OC90: variants seen among roughly 807,000 people sequenced by gnomAD.
OC90 encodes otoconin 90, also known as otoconin-90.
A neutral mutation model predicts 47.3 loss-of-function variants in OC90; 46 were observed. The ratio of observed to expected loss-of-function variants is 0.97; its 90% CI spans 0.77 to 1.24. The LOEUF is 1.24. OC90 is among the 50% of genes most tolerant of loss of function. The pLI is 0.00. For missense variants in OC90, 688 were observed against 583.9 expected, an observed-to-expected ratio of 1.18 and a Z score of -1.84; for synonymous variants, 271 against 219.5, an observed-to-expected ratio of 1.23 and a Z score of -2.07.
At chr8:132,041,730 C>T (rs1318374756) in intron 4 of OC90, 31 bp from the exon 5 acceptor site, 5 of 1,434,540 alleles carry the variant, frequency 3.5e-6, no homozygotes, top group Non-Finnish European at 4.9e-6. Flanking sequence ...GCCTGATAAG[C>T]ACTGGGAACT....
Position 132,036,067 on chromosome 8 carries a change from T to C in OC90, c.680-1233A>G, listed in dbSNP as rs1237821322. 3.9e-5 allele frequency among the ~76,000 whole-genome samples: 6 copies of C among 152,202 alleles called. No individual in the cohort carries two copies. In the East Asian group the frequency reaches 7.7e-4, roughly 19 times the overall value. On this transcript the variant is annotated intron_variant, in intron 9 of 13. Transcript: ENST00000254627. Reference sequence around the variant, plus strand: ...GGTTAGGTTAACTCTGCTGATGAAATTTTGGCCTAGATATTTTTAGGGAAG... The same window carrying C: ...GGTTAGGTTAACTCTGCTGATGAAACTTTGGCCTAGATATTTTTAGGGAAG...
chr8:132,037,453 C>T lies in OC90; in HGVS notation c.664G>A (p.Ala222Thr), dbSNP rs1822985970. 1.3e-6 allele frequency: 2 copies of T among 1,583,622 alleles called. No individual in the cohort carries two copies. Among genetic ancestry groups the T allele is most frequent in the African/African-American group, 1.3e-5 (1 of 74,422 alleles). Residue 222 changes from alanine to threonine, a missense_variant, in exon 9 of 14, where the codon GCC becomes ACC. Ala to Thr is a moderately conservative substitution (Grantham distance 58, BLOSUM62 0). Transcript: ENST00000254627. ...TCTGGCTCACCTTCTCCTGAAAGGGCTGTCAGGCTGGTGTCTGTGGGCTCC... is the reference window on the plus strand; with the variant it reads ...TCTGGCTCACCTTCTCCTGAAAGGGTTGTCAGGCTGGTGTCTGTGGGCTCC... ...PVEPTDTSLT[A>T]LSGEEAGHDQ...
rs779458494 is a variant in OC90, at chr8:132,024,704, G to C, written c.1211C>G (p.Ala404Gly). 1 of 1,613,682 alleles carries C rather than the reference G, an allele frequency of 6.2e-7. No individual in the cohort carries two copies. Among genetic ancestry groups the C allele is most frequent in the East Asian group, 2.2e-5 (1 of 44,874 alleles). Residue 404 changes from alanine (A) to glycine (G), a missense_variant, in exon 14 of 14, where the codon GCC (alanine) becomes GGC (glycine). Ala to Gly is a moderately conservative substitution (Grantham distance 60). Transcript: ENST00000254627. The part of the protein sequence containing the change: ...DQTAAECMTS[A>G]SFNQSLKSPS... ...GGACTTGAGGCTTTGGTTAAAGGAG[G>C]CAGAGGTCATGCACTCAGCTGCCGT...
At chr8:132,027,034 C>T (rs191278421) in intron 13 of OC90, among the ~76,000 whole-genome samples, 8 of 152,202 alleles carry the variant, frequency 5.3e-5, no homozygotes, top group Admixed American at 2.6e-4. Context: ...ATATCCATGC[C>T]CAGTATGGCC....
intron 9 of OC90, among the ~76,000 whole-genome samples, chr8:132,035,655 G>C (rs908025742): frequency 2.0e-5 from 3 of 152,170 alleles, no homozygotes; most frequent in African/African-American, 7.2e-5. Context: ...TGACTGATAT[G>C]GACACAAATG....
chr8:132,037,294 T>G (rs1427729430), intron 9 of OC90, 144 bp downstream of exon 9: 1 of 702,568 alleles, frequency 1.4e-6, no homozygotes, highest in African/African-American at 1.8e-5. Context: ...GGGGATGGAT[T>G]TCTCATGAAT....
In OC90 at chr8:132,058,396, G is replaced by A. The variant is rs146281935; in HGVS notation, c.-48+945C>T. Among the ~76,000 whole-genome samples the A allele has an allele frequency of 1.4e-4, 21 of 152,258 alleles. No homozygotes were observed. In the East Asian group the frequency reaches 3.7e-3, roughly 27 times the overall value. On this transcript the variant is annotated intron_variant, in intron 1 of 13. Transcript: ENST00000254627. ...CTCATGGGTCAGTGCTGTCCTTGTG[G>A]GCCTGAGAAGGCTCCCGAAGCCTCG...
chr8:132,037,935 C>T lies in OC90; in HGVS notation c.629-447G>A, dbSNP rs1586709950. On this transcript the variant is annotated intron_variant, in intron 8 of 13. Coordinates refer to ENST00000254627, the MANE Select transcript of OC90 (RefSeq NM_001080399.3). ...TCACGCTCATGTACACACATGCACA[C>T]CCCCACACATGCCCATGCACACATC... Among the ~76,000 whole-genome samples the T allele has an allele frequency of 2.6e-5, 4 of 152,320 alleles. No homozygotes were observed. In the South Asian group the frequency reaches 8.3e-4, roughly 32 times the overall value.
At chr8:132,036,169 G>A (rs1014263086) in intron 9 of OC90, among the ~76,000 whole-genome samples, 3 of 152,178 alleles carry the variant, frequency 2.0e-5, no homozygotes, top group African/African-American at 7.2e-5. Flanking sequence ...TTGGAGAACA[G>A]CCCAAGTTAC....
intron 4 of OC90, among the ~76,000 whole-genome samples, chr8:132,042,779 G>T (rs1194611544): frequency 1.3e-5 from 2 of 152,174 alleles, no homozygotes; most frequent in African/African-American, 4.8e-5. Context: ...AGATGGCGAG[G>T]CTGCAAAGAA....
chr8:132,032,874 T>G (rs1822895877), intron 11 of OC90, among the ~76,000 whole-genome samples, 165 bp downstream of exon 11: 1 of 152,092 alleles, frequency 6.6e-6, no homozygotes, highest in Non-Finnish European at 1.5e-5. Context: ...ACAGGCAGCT[T>G]ACATCTCCTC....
rs751898292 is a variant in OC90, at chr8:132,041,689, G to A, written c.180C>T (p.Gly60=). 9 of 1,579,986 alleles carry A rather than the reference G, an allele frequency of 5.7e-6. No individual in the cohort carries two copies. Among genetic ancestry groups the A allele is most frequent in the Non-Finnish European group, 7.7e-6 (9 of 1,161,612 alleles). Residue 60 remains glycine (G), a synonymous_variant, in exon 5 of 14, where the codon GGC becomes GGT. Coordinates refer to ENST00000254627, the MANE Select transcript of OC90 (RefSeq NM_001080399.3). Reference sequence around the variant, plus strand: ...CAGCCTGCAGCCAGGTGAAGTGGGGGCCCAGGCAATCTGTGGGGGTGGGGG... The same window carrying A: ...CAGCCTGCAGCCAGGTGAAGTGGGGACCCAGGCAATCTGTGGGGGTGGGGG... ...ESVAEIFDCL[G]PHFTWLQAVF...
At chr8:132,045,659 T>C (rs1823121229) in intron 3 of OC90, among the ~76,000 whole-genome samples, 159 bp downstream of exon 3, 2 of 152,314 alleles carry the variant, frequency 1.3e-5, no homozygotes, top group South Asian at 4.1e-4. Flanking sequence ...CCAGGGGAGA[T>C]TGTTGGGGAG....
intron 9 of OC90, among the ~76,000 whole-genome samples, chr8:132,035,660 C>A (rs1287934005): frequency 6.6e-6 from 1 of 152,322 alleles, no homozygotes; most frequent in African/African-American, 2.4e-5. Context: ...GATATGGACA[C>A]AAATGCTCCA....
At chr8:132,042,969 G>T (rs1015594846) in intron 4 of OC90, among the ~76,000 whole-genome samples, 1 of 152,226 alleles carries the variant, frequency 6.6e-6, no homozygotes, top group Non-Finnish European at 1.5e-5. Flanking sequence ...GCATCTGTAT[G>T]TTCATTGCAG....
chr8:132,046,045 G>T (rs1306354174), intron 2 of OC90, among the ~76,000 whole-genome samples, 162 bp from the exon 3 acceptor site: 4 of 152,194 alleles, frequency 2.6e-5, no homozygotes, highest in African/African-American at 9.7e-5. Context: ...TTAGGAGGTA[G>T]TTCCTGAAGG....
intron 1 of OC90, among the ~76,000 whole-genome samples, chr8:132,058,111 C>T (rs756238911): frequency 2.0e-5 from 3 of 152,206 alleles, no homozygotes; most frequent in Non-Finnish European, 2.9e-5. Flanking sequence ...TTCCTTGCTG[C>T]GCACAAAGAA....
At chr8:132,043,528 G>A (rs1237679154) in intron 4 of OC90, among the ~76,000 whole-genome samples, 1 of 152,172 alleles carries the variant, frequency 6.6e-6, no homozygotes, top group Non-Finnish European at 1.5e-5. Context: ...TCTGACTAGA[G>A]GATCCTTGAG....
intron 1 of OC90, among the ~76,000 whole-genome samples, chr8:132,055,528 A>G (rs1479497222): frequency 2.0e-5 from 3 of 152,228 alleles, no homozygotes; most frequent in Non-Finnish European, 4.4e-5. Flanking sequence ...AATAGCCCGT[A>G]CTTTATGATA....
Sources: gnomAD v4.1 joint callset for allele counts (sites outside exome capture counted in the v4.1 genomes callset) on GRCh38, gnomAD v4.1.1 for gene constraint, MANE v1.5 for transcripts, NCBI Gene and HGNC (gene_info 2026-07-23, HGNC 2026-07-21) for gene names.